Variants in MAP3K4 observed in about 807,000 individuals in gnomAD.
The protein encoded by MAP3K4 is mitogen-activated protein kinase kinase kinase 4.
Under a neutral mutation model 185.6 loss-of-function variants are expected in MAP3K4, and 67 were observed. The observed-to-expected ratio is 0.36, with a 90% CI of 0.30 to 0.44. MAP3K4 has a LOEUF of 0.44. Ranked by LOEUF, MAP3K4 falls within the 20% of genes least tolerant of loss-of-function variation. The pLI, the probability that MAP3K4 is intolerant of heterozygous loss-of-function variation, is 1.00. For missense variants in MAP3K4, 1,551 were observed against 1,995.1 expected (o/e 0.78, Z 4.24); for synonymous variants, 702 against 710.4 (o/e 0.99, Z 0.19).
intron 1 of MAP3K4, among the ~76,000 whole-genome samples, chr6:160,999,531 A>T (rs1309380443): frequency 6.6e-6 from 1 of 152,172 alleles, no homozygotes. Context: ...CCAACTTCCT[A>T]GCCATTGCTT....
chr6:161,015,839 C>T (rs938998032), intron 1 of MAP3K4, among the ~76,000 whole-genome samples: 1 of 152,162 alleles, frequency 6.6e-6, no homozygotes, highest in Non-Finnish European at 1.5e-5. Flanking sequence ...CCAGACTCCT[C>T]CCATTAGTAC....
chr6:161,029,252 G>A (rs1291641936), intron 1 of MAP3K4, among the ~76,000 whole-genome samples: 1 of 151,100 alleles, frequency 6.6e-6, no homozygotes, highest in Non-Finnish European at 1.5e-5. Context: ...GGCGGGGGTG[G>A]TGTTGGGGGG....
Position 161,101,703 on chromosome 6 carries a change from C to G in MAP3K4, c.3675-189C>G, listed in dbSNP as rs16892148. ...CTGATTCTGGTGGGTCTGTCCTGTG[C>G]GTTTTCCGCTGCCCACTAGATGCCA... On this transcript the variant is annotated intron_variant, in intron 17 of 26. Coordinates refer to ENST00000392142, the MANE Select transcript of MAP3K4 (RefSeq NM_005922.4). This position sits in a 1 kb window ranked among gnomAD's most constrained non-coding sequence, Gnocchi z 5.1. 7.2e-6 allele frequency: 4 copies of G among 553,912 alleles called. No homozygotes were observed. In the South Asian group the frequency reaches 8.1e-5, roughly 11 times the overall value. The allele number at this position is 553,912 out of a possible 1,614,324, so 34.3% of individuals were successfully genotyped here. A position where few individuals can be genotyped will look rare whatever the true frequency, so the allele number is the denominator to read the frequency against.
At position 161,107,047 on chromosome 6, in the gene MAP3K4, C is replaced by CGT. The variant is rs1294740730; in HGVS notation, c.4048+343_4048+344insTG. On this transcript the variant is annotated intron_variant, in intron 20 of 26. Transcript: ENST00000392142. This position sits in a 1 kb window ranked among gnomAD's most constrained non-coding sequence, Gnocchi z 6.2. ...TTCTCTCTCTCTCTCTACACACGCG[C>CGT]GCGCACACACACACACACACACACA... Among the ~76,000 whole-genome samples the CGT allele has an allele frequency of 6.1e-5, 7 of 115,058 alleles. No individual in the cohort carries two copies. Among genetic ancestry groups the CGT allele is most frequent in the Admixed American group, 2.8e-4 (3 of 10,704 alleles). 75.5% of individuals were successfully genotyped at this position (115,058 alleles called of 152,430 possible). A position where few individuals can be genotyped will look rare whatever the true frequency, so the allele number is the denominator to read the frequency against.
rs993359596 is a variant in MAP3K4 at position 161,106,539 on chromosome 6, A to G, written c.3882A>G (p.Ile1294Met). The G allele has an allele frequency of 2.5e-6, 4 of 1,612,282 alleles. No homozygotes were observed. The African/African-American group carries it at 5.3e-5, about 22-fold the overall frequency. Reference protein sequence around the residue: ...SKDTASKLGPIEAIQKSVRLF... With the variant: ...SKDTASKLGPMEAIQKSVRLF... Reference sequence around the variant, plus strand: ...ATACTGCTTCTAAACTAGGACCCATAGAAGCTATCCAGAAGTCAGTCCGAT... The same window carrying G: ...ATACTGCTTCTAAACTAGGACCCATGGAAGCTATCCAGAAGTCAGTCCGAT... The change falls in exon 20 of 27, where the codon ATA becomes ATG. Residue 1294 changes from isoleucine (I) to methionine (M), a missense_variant. Coordinates refer to ENST00000392142, the MANE Select transcript of MAP3K4 (RefSeq NM_005922.4). This position sits in a 1 kb window ranked among gnomAD's most constrained non-coding sequence, Gnocchi z 4.9.
chr6:161,014,632 C>G (rs1035524418), intron 1 of MAP3K4, among the ~76,000 whole-genome samples: 8 of 151,974 alleles, frequency 5.3e-5, no homozygotes, highest in Admixed American at 2.0e-4. Flanking sequence ...TCTGGACTAC[C>G]AAAAAACATT....
intron 1 of MAP3K4, among the ~76,000 whole-genome samples, chr6:161,016,016 G>A (rs903394324): frequency 6.6e-6 from 1 of 152,110 alleles, no homozygotes; most frequent in African/African-American, 2.4e-5. Flanking sequence ...ATAAATTCAT[G>A]TATAATGATT....
rs575291970 is a variant in MAP3K4, at chr6:161,031,611, A to G, written c.153-2648A>G. 4.6e-4 allele frequency among the ~76,000 whole-genome samples: 70 copies of G among 152,166 alleles called. No homozygotes were observed. In the South Asian group the frequency reaches 6.2e-3, roughly 14 times the overall value. ...ATATTATCAGTCCCTCCTCACAACA[A>G]TTCTCCTCCACTTTCACTCTGCATT... On this transcript the variant is annotated intron_variant, in intron 1 of 26. Coordinates refer to ENST00000392142, the MANE Select transcript of MAP3K4 (RefSeq NM_005922.4).
chr6:160,992,216 G>C (rs1018482252), intron 1 of MAP3K4, 133 bp downstream of exon 1: 12 of 1,274,314 alleles, frequency 9.4e-6, no homozygotes, highest in Non-Finnish European at 1.2e-5. Context: ...GCTGGGGCGG[G>C]AGGGGCGCGG....
chr6:161,089,407 T>C lies in MAP3K4; in HGVS notation c.2909T>C (p.Met970Thr), dbSNP rs201427881. 7.9e-5 allele frequency: 128 copies of C among 1,614,232 alleles called. No homozygotes were observed. The Middle Eastern group carries it at 9.9e-4, about 12-fold the overall frequency. ...KAFQQSIEGLMTLCQEQTSSQ... is the reference protein window; with the variant it reads ...KAFQQSIEGLTTLCQEQTSSQ... The stretch of plus-strand genomic sequence containing the variant: ...TTCCAGCAGTCCATTGAGGGACTTA[T>C]GACTCTGTGCCAGGAGCAGACATCC... The change falls in exon 11 of 27, where the codon ATG becomes ACG. Residue 970 changes from methionine (M) to threonine (T), a missense_variant. By Grantham distance (81) the Met-to-Thr change is moderately conservative. Around this residue, in one of 16 missense-constraint regions of MAP3K4, gnomAD observed 261 missense variants for 306.5 expected, o/e 0.85. Coordinates refer to ENST00000392142, the MANE Select transcript of MAP3K4 (RefSeq NM_005922.4).
At chr6:160,999,455 A>G (rs565445548) in intron 1 of MAP3K4, among the ~76,000 whole-genome samples, 1 of 152,346 alleles carries the variant, frequency 6.6e-6, no homozygotes, top group Admixed American at 6.5e-5. Context: ...TCTTACTCAG[A>G]TAAGGATTTA....
In MAP3K4 at chr6:161,084,875, G is replaced by C. The variant is rs575935262; in HGVS notation, c.2372+258G>C. On this transcript the variant is annotated intron_variant, in intron 7 of 26. Coordinates refer to ENST00000392142, the MANE Select transcript of MAP3K4 (RefSeq NM_005922.4). The surrounding 1 kb of genome is among the most constrained non-coding windows in gnomAD (Gnocchi z 4.6). ...AAAATAGTGCCAACTGGCTGGGCGCGGTGGCTCACGCCTGTAATCCCAGTA... is the reference window on the plus strand; with the variant it reads ...AAAATAGTGCCAACTGGCTGGGCGCCGTGGCTCACGCCTGTAATCCCAGTA... 6.6e-6 allele frequency among the ~76,000 whole-genome samples: 1 copy of C among 152,122 alleles called. No individual in the cohort carries two copies. Among genetic ancestry groups the C allele is most frequent in the African/African-American group, 2.4e-5 (1 of 41,424 alleles).
In MAP3K4 at chr6:161,074,326, A is replaced by C. The variant is rs987295484; in HGVS notation, c.2097+714A>C. Among the ~76,000 whole-genome samples the C allele has an allele frequency of 6.6e-6, 1 of 152,248 alleles. No individual in the cohort carries two copies. Among genetic ancestry groups the C allele is most frequent in the African/African-American group, 2.4e-5 (1 of 41,464 alleles). The stretch of plus-strand genomic sequence containing the variant: ...AGAGACCTCCTGTCTTCTCACTTAC[A>C]CTGAATGTGCCCTGTGCTTTTAACC... On this transcript the variant is annotated intron_variant, in intron 5 of 26. Transcript: ENST00000392142. This position sits in a 1 kb window ranked among gnomAD's most constrained non-coding sequence, Gnocchi z 5.0.
At chr6:161,090,369 G>T (rs888801154) in intron 11 of MAP3K4, among the ~76,000 whole-genome samples, 2 of 152,100 alleles carry the variant, frequency 1.3e-5, no homozygotes, top group Non-Finnish European at 2.9e-5. Flanking sequence ...CCAGGGCAGG[G>T]CTTCTCAGCC....
At position 161,048,302 on chromosome 6, in the gene MAP3K4, AC is replaced by A; in HGVS notation, c.344-313del. Reference sequence around the variant, plus strand: ...CTCCTTAAATTGAAGGTGATTACTTACGGAAATTTGGTTAAATGATTTGATA... The same window carrying A: ...CTCCTTAAATTGAAGGTGATTACTTAGGAAATTTGGTTAAATGATTTGATA... On this transcript the variant is annotated intron_variant, in intron 2 of 26. Transcript: ENST00000392142. This position sits in a 1 kb window ranked among gnomAD's most constrained non-coding sequence, Gnocchi z 4.7. 1.8e-6 allele frequency: 1 copy of A among 570,250 alleles called. No homozygotes were observed. The highest frequency in any genetic ancestry group is 3.5e-6 in the Non-Finnish European group (1 of 285,756). 35.3% of individuals were successfully genotyped at this position (570,250 alleles called of 1,614,324 possible).
At chr6:161,030,933 A>C (rs1782898430) in intron 1 of MAP3K4, among the ~76,000 whole-genome samples, 2 of 152,210 alleles carry the variant, frequency 1.3e-5, no homozygotes, top group Admixed American at 6.5e-5. Context: ...AATTCATTTT[A>C]ATTACGAATT....
chr6:161,047,809 A>G (rs541844452), intron 2 of MAP3K4, among the ~76,000 whole-genome samples: 1 of 152,208 alleles, frequency 6.6e-6, no homozygotes, highest in South Asian at 2.1e-4. Context: ...GCCATACAGG[A>G]TGTATGTGTG....
Position 161,073,166 on chromosome 6 carries a change from A to G in MAP3K4, c.1951-300A>G, listed in dbSNP as rs981028493. Among the ~76,000 whole-genome samples, 1 of 152,188 alleles carries G rather than the reference A, an allele frequency of 6.6e-6. No homozygotes were observed. The highest frequency in any genetic ancestry group is 2.4e-5 in the African/African-American group (1 of 41,444). ...TTTTATTCTATGGGATTTACTTTCT[A>G]TATAAGTTTGTTGTTAAGAGAATTT... On this transcript the variant is annotated intron_variant, in intron 4 of 26. Coordinates refer to ENST00000392142, the MANE Select transcript of MAP3K4 (RefSeq NM_005922.4). This position sits in a 1 kb window ranked among gnomAD's most constrained non-coding sequence, Gnocchi z 4.2.
At chr6:161,078,077 C>T (rs775124381) in intron 5 of MAP3K4, among the ~76,000 whole-genome samples, 1 of 152,068 alleles carries the variant, frequency 6.6e-6, no homozygotes, top group Non-Finnish European at 1.5e-5. Flanking sequence ...CAAATGACTT[C>T]TATTTTTGTG....
Sources: allele counts gnomAD v4.1 joint callset (sites outside exome capture counted in the v4.1 genomes callset), GRCh38; gene constraint gnomAD v4.1.1; regional missense constraint gnomAD v4.1.1; non-coding constraint Gnocchi (gnomAD v3.1); transcripts MANE v1.5; gene names NCBI Gene and HGNC (gene_info 2026-07-23, HGNC 2026-07-21).